Variants in PCBP2 observed in about 807,000 individuals in gnomAD.
PCBP2 encodes the protein poly(rC)-binding protein 2.
In PCBP2, 4 loss-of-function variants were observed where a neutral mutation model predicts 50.1. That is an observed-to-expected ratio of 0.08 (90% CI 0.04 to 0.18). PCBP2 has a LOEUF of 0.18. Ranked by LOEUF, PCBP2 falls within the 10% of genes least tolerant of loss-of-function variation. The pLI is 1.00. For missense variants in PCBP2, 161 were observed against 474.3 expected (o/e 0.34, Z 6.14); for synonymous variants, 179 against 168.0 (o/e 1.07, Z -0.51).
At chr12:53,459,912 C>T (rs1270980462) in intron 6 of PCBP2, 3 of 450,626 alleles carry the variant, frequency 6.7e-6, no homozygotes, top group Non-Finnish European at 1.3e-5. Context: ...AGGCTCCCAC[C>T]ACCACACCCA....
intron 6 of PCBP2, chr12:53,460,691 G>T: frequency 4.0e-6 from 1 of 251,706 alleles, no homozygotes; most frequent in South Asian, 4.5e-5. Flanking sequence ...TGAAAGGTGG[G>T]TGATACTTGT....
intron 14 of PCBP2, among the ~76,000 whole-genome samples, chr12:53,478,465 G>A (rs1455592694): frequency 3.3e-5 from 5 of 151,632 alleles, no homozygotes; most frequent in South Asian, 2.1e-4. Context: ...TTGAGATTGC[G>A]CCATTGCACT....
intron 1 of PCBP2, 83 bp downstream of exon 1, chr12:53,452,459 G>C (rs1248673365): frequency 6.6e-5 from 10 of 150,932 alleles, no homozygotes; most frequent in Admixed American, 6.6e-4. Context: ...TCGGGTCCTA[G>C]TCACGAGCCG....
chr12:53,457,873 G>A (rs983331776), intron 5 of PCBP2, among the ~76,000 whole-genome samples: 2 of 152,170 alleles, frequency 1.3e-5, no homozygotes, highest in African/African-American at 4.8e-5. Context: ...GATGCAGCAC[G>A]TGTTTATGGG....
At chr12:53,474,173 T>G (rs1942424387) in intron 14 of PCBP2, among the ~76,000 whole-genome samples, 2 of 152,218 alleles carry the variant, frequency 1.3e-5, no homozygotes, top group African/African-American at 4.8e-5. Context: ...TTCTGAAAGG[T>G]CCACATTAGA....
chr12:53,467,934 A>G (rs1252272387), intron 12 of PCBP2, 91 bp downstream of exon 12: 2 of 992,992 alleles, frequency 2.0e-6, no homozygotes, highest in Admixed American at 3.5e-5. Context: ...GAACCATACC[A>G]GCAACATGCA....
chr12:53,460,857 C>G (rs1039678180), intron 6 of PCBP2, 158 bp from the exon 7 acceptor site: 2 of 703,586 alleles, frequency 2.8e-6, no homozygotes, highest in Non-Finnish European at 4.6e-6. Context: ...ACTAAACAGT[C>G]CTATCTGGAA....
chr12:53,477,707 C>CCTTA lies in PCBP2; in HGVS notation c.1053-1698_1053-1695dup, dbSNP rs1325775193. On this transcript the variant is annotated intron_variant, in intron 14 of 14. Coordinates refer to ENST00000546463, the MANE Select transcript of PCBP2 (RefSeq NM_031989.5). The stretch of plus-strand genomic sequence containing the variant: ...AAAAAAAAAAAAACCCTAAATATTC[C>CCTTA]CTTAATACTGAGGTGGAGAAACCAT... Among the ~76,000 whole-genome samples, 3 of 145,634 alleles carry CCTTA rather than the reference C, an allele frequency of 2.1e-5. No homozygotes were observed. The East Asian group carries it at 6.1e-4, about 30-fold the overall frequency.
intron 1 of PCBP2, among the ~76,000 whole-genome samples, chr12:53,453,710 G>T (rs1472478337): frequency 6.6e-6 from 1 of 152,158 alleles, no homozygotes; most frequent in Non-Finnish European, 1.5e-5. Context: ...ACTTGGGAGA[G>T]GTCCTTTCTA....
Position 53,459,356 on chromosome 12 carries a change from G to T in PCBP2, c.328G>T (p.Gly110Cys). ...LRLVVPASQC[G>C]SLIGKGGCKI... ...GCTGGTGGTCCCTGCTAGTCAGTGT[G>T]GCTCTCTCATTGGAAAAGGTGGATG... is the stretch of plus-strand genomic sequence containing the variant. Residue 110 changes from glycine (G) to cysteine (C), a missense_variant, in exon 6 of 15, where the codon GGC becomes TGC. Coordinates refer to ENST00000546463, the MANE Select transcript of PCBP2 (RefSeq NM_031989.5). The T allele has an allele frequency of 6.2e-7, 1 of 1,612,954 alleles. No homozygotes were observed. Among genetic ancestry groups the T allele is most frequent in the Non-Finnish European group, 8.5e-7 (1 of 1,179,216 alleles).
At chr12:53,463,805 A>G (rs978829119) in intron 8 of PCBP2, among the ~76,000 whole-genome samples, 3 of 152,210 alleles carry the variant, frequency 2.0e-5, no homozygotes, top group African/African-American at 7.2e-5. Flanking sequence ...TGTTACAAGC[A>G]TATTTAGTTA....
Position 53,464,769 on chromosome 12 carries a change from A to G in PCBP2, c.589A>G (p.Ser197Gly). 1 of 1,612,514 alleles carries G rather than the reference A, an allele frequency of 6.2e-7. No individual in the cohort carries two copies. The highest frequency in any genetic ancestry group is 8.5e-7 in the Non-Finnish European group (1 of 1,179,282). ...CTCTATTTATCCACAGGACAGGTAC[A>G]GCACAGGCAGCGACAGTGCGAGCTT... The part of the protein sequence containing the change: ...VIFAGGQDRY[S>G]TGSDSASFPH... The change falls in exon 9 of 15, where the codon AGC (serine) becomes GGC (glycine). Residue 197 changes from serine (S) to glycine (G), a missense_variant. Ser to Gly is a moderately conservative substitution (Grantham distance 56). This residue lies in a region of PCBP2 where 35 missense variants were observed against 45.5 expected (regional missense o/e 0.77). Coordinates refer to ENST00000546463, the MANE Select transcript of PCBP2 (RefSeq NM_031989.5).
chr12:53,456,274 A>G (rs956073370), intron 5 of PCBP2, among the ~76,000 whole-genome samples: 13 of 152,092 alleles, frequency 8.5e-5, no homozygotes, highest in Admixed American at 3.9e-4. Context: ...CGAGACCAAC[A>G]TAGTGAAACC....
intron 12 of PCBP2, chr12:53,468,120 G>A: frequency 2.7e-6 from 1 of 374,396 alleles, no homozygotes; most frequent in Non-Finnish European, 4.8e-6. Flanking sequence ...GTTAAAGATG[G>A]GTACGGGTAT....
Position 53,456,293 on chromosome 12 carries a change from A to C in PCBP2, c.243+292A>C, listed in dbSNP as rs573820417. On this transcript the variant is annotated intron_variant, in intron 5 of 14. Coordinates refer to ENST00000546463, the MANE Select transcript of PCBP2 (RefSeq NM_031989.5). ...ACCAACATAGTGAAACCTCGTCTCT[A>C]CTAAAAATACAAGAATTAGCTGGGC... Among the ~76,000 whole-genome samples the C allele has an allele frequency of 2.6e-5, 4 of 152,136 alleles. No individual in the cohort carries two copies. In the South Asian group the frequency reaches 8.3e-4, roughly 32 times the overall value.
At chr12:53,454,214 C>T (rs1940818033) in intron 1 of PCBP2, among the ~76,000 whole-genome samples, 1 of 152,198 alleles carries the variant, frequency 6.6e-6, no homozygotes, top group Admixed American at 6.5e-5. Flanking sequence ...TAGCCATCAA[C>T]GGTTGAAATT....
At chr12:53,471,902 G>T in intron 14 of PCBP2, 95 bp downstream of exon 14, 1 of 921,306 alleles carries the variant, frequency 1.1e-6, no homozygotes, top group Non-Finnish European at 1.5e-6. Flanking sequence ...TTACATGGGC[G>T]ATGGGTAAAG....
rs147974683 is a variant in PCBP2 at position 53,473,599 on chromosome 12, G to C, written c.1052+1792G>C. Among the ~76,000 whole-genome samples, 609 of 152,340 alleles carry C rather than the reference G, an allele frequency of 4.0e-3. 4 individuals are homozygous for C. The highest frequency in any genetic ancestry group is 0.012 in the African/African-American group (485 of 41,578). On this transcript the variant is annotated intron_variant, in intron 14 of 14. Coordinates refer to ENST00000546463, the MANE Select transcript of PCBP2 (RefSeq NM_031989.5). Reference sequence around the variant, plus strand: ...AAGGAAGCAGAATTCTCTTGGTAGAGTGGCTCTTTTCAGGATCATTGTTAC... The same window carrying C: ...AAGGAAGCAGAATTCTCTTGGTAGACTGGCTCTTTTCAGGATCATTGTTAC...
intron 1 of PCBP2, among the ~76,000 whole-genome samples, chr12:53,454,023 C>T (rs1940797068): frequency 6.6e-6 from 1 of 152,122 alleles, no homozygotes; most frequent in African/African-American, 2.4e-5. Context: ...AGGAAAACAT[C>T]TCAAATCTGA....
Sources: allele counts gnomAD v4.1 joint callset (sites outside exome capture counted in the v4.1 genomes callset), GRCh38; gene constraint gnomAD v4.1.1; regional missense constraint gnomAD v4.1.1; transcripts MANE v1.5; gene names NCBI Gene and HGNC (gene_info 2026-07-23, HGNC 2026-07-21).